The following LTN1 variants were observed in gnomAD, a reference collection of about 807,000 sequenced individuals.
The protein encoded by LTN1 is E3 ubiquitin-protein ligase listerin.
A neutral mutation model predicts 201.2 loss-of-function variants in LTN1; 88 were observed. The ratio of observed to expected loss-of-function variants is 0.44; its 90% CI spans 0.37 to 0.52. LTN1 has a LOEUF of 0.52. Ranked by LOEUF, LTN1 falls within the 20% of genes least tolerant of loss-of-function variation. The pLI, the probability that LTN1 is intolerant of heterozygous loss-of-function variation, is 0.00. For synonymous variants in LTN1, 645 were observed against 713.5 expected (o/e 0.90, Z 1.53); for missense variants, 1,752 against 2,038.7 (o/e 0.86, Z 2.71).
intron 26 of LTN1, among the ~76,000 whole-genome samples, chr21:28,935,537 T>C (rs2084248256): frequency 6.6e-6 from 1 of 151,718 alleles, no homozygotes; most frequent in Non-Finnish European, 1.5e-5. Context: ...GGCAAAAGAA[T>C]TTTTTTTTAA....
chr21:28,979,337 T>G (rs1304078277), intron 6 of LTN1, among the ~76,000 whole-genome samples: 1 of 152,196 alleles, frequency 6.6e-6, no homozygotes, highest in African/African-American at 2.4e-5. Flanking sequence ...GACACATGAA[T>G]GAAGATGTTC....
At position 28,959,640 on chromosome 21, in the gene LTN1, A is replaced by C; in HGVS notation, c.2411T>G (p.Leu804Ter). 6.2e-7 allele frequency: 1 copy of C among 1,613,786 alleles called. No homozygotes were observed. The highest frequency in any genetic ancestry group is 8.5e-7 in the Non-Finnish European group (1 of 1,179,792). The change falls in exon 13 of 30, where the codon TTA becomes TGA. Residue 804 changes from leucine to a stop codon, truncating the protein, a stop_gained. Transcript: ENST00000361371. LOFTEE classifies it high-confidence loss of function. ...TTCTGATAATTTCTTTGTTTTGAAT[A>C]AAGTTTCATGAAGTCTAACAATGAT... ...ERIIVRLHET[L>*]FKTKKLSEAE...
At chr21:28,974,474 A>G (rs144196478) in intron 6 of LTN1, among the ~76,000 whole-genome samples, 232 of 152,340 alleles carry the variant, frequency 1.5e-3, no homozygotes, top group African/African-American at 4.9e-3. Context: ...ATACAGATGC[A>G]TTTTAGAAGA....
intron 18 of LTN1, among the ~76,000 whole-genome samples, chr21:28,949,002 T>G (rs1270562022): frequency 6.6e-6 from 1 of 152,224 alleles, no homozygotes; most frequent in Non-Finnish European, 1.5e-5. Flanking sequence ...TCACCAAATA[T>G]GCACAGGTGT....
Position 28,966,865 on chromosome 21 carries a change from A to G in LTN1, c.1626T>C (p.Ala542=), listed in dbSNP as rs1263958815. ...SKKKNGKVRF[A]DEILESNKEN... ...CTTTATTGCTTTCAAGTATCTCATC[A>G]GCAAATCTAACCTTACCATTTTTTT... Residue 542 remains alanine, a synonymous_variant, in exon 10 of 30, where the codon GCT becomes GCC. Coordinates refer to ENST00000361371, the MANE Select transcript of LTN1 (RefSeq NM_015565.3). The G allele has an allele frequency of 1.9e-6, 3 of 1,610,290 alleles. No individual in the cohort carries two copies. The African/African-American group carries it at 4.0e-5, about 22-fold the overall frequency.
At chr21:28,978,132 G>A (rs1041505612) in intron 6 of LTN1, among the ~76,000 whole-genome samples, 2 of 151,906 alleles carry the variant, frequency 1.3e-5, no homozygotes, top group East Asian at 1.9e-4. Flanking sequence ...GGGATCAAGC[G>A]ATCCTCCTGC....
chr21:28,946,537 A>G (rs982739283), intron 19 of LTN1, among the ~76,000 whole-genome samples: 3 of 152,202 alleles, frequency 2.0e-5, no homozygotes, highest in African/African-American at 7.2e-5. Context: ...TGATGCTGTA[A>G]TTTAAACTGA....
At chr21:28,976,135 C>A (rs953006223) in intron 6 of LTN1, among the ~76,000 whole-genome samples, 5 of 151,782 alleles carry the variant, frequency 3.3e-5, no homozygotes, top group East Asian at 1.9e-4. Flanking sequence ...AAAAAAAGTT[C>A]TATTTCTTTA....
intron 1 of LTN1, among the ~76,000 whole-genome samples, chr21:28,988,475 A>AAC (rs1298309090): frequency 1.3e-5 from 2 of 152,084 alleles, no homozygotes; most frequent in African/African-American, 4.8e-5. Context: ...TCAAAAAAAA[A>AAC]AAAAAAATTC....
At chr21:28,992,398 G>C (rs2084753865) in intron 1 of LTN1, among the ~76,000 whole-genome samples, 1 of 152,140 alleles carries the variant, frequency 6.6e-6, no homozygotes, top group Admixed American at 6.6e-5. Context: ...CTCCACAGTG[G>C]ATTCACTTTA....
chr21:28,983,638 TTGA>T (rs775923752), intron 4 of LTN1, among the ~76,000 whole-genome samples: 2 of 152,160 alleles, frequency 1.3e-5, no homozygotes, highest in Non-Finnish European at 2.9e-5. Context: ...GACAAGAAAT[TTGA>T]ACTTAAAAGT....
At chr21:28,984,987 G>A (rs1236650386) in intron 3 of LTN1, 65 bp from the exon 4 acceptor site, 4 of 1,112,994 alleles carry the variant, frequency 3.6e-6, no homozygotes, top group Non-Finnish European at 5.2e-6. Context: ...AGACATTTCC[G>A]GATATGCTAT....
At chr21:28,989,351 A>T (rs1464047949) in intron 1 of LTN1, among the ~76,000 whole-genome samples, 1 of 152,158 alleles carries the variant, frequency 6.6e-6, no homozygotes, top group Non-Finnish European at 1.5e-5. Context: ...TAAATGCACT[A>T]TCTTTTTTTA....
chr21:28,943,256 C>A lies in LTN1; in HGVS notation c.4295+6G>T, dbSNP rs577647135. Reference sequence around the variant, plus strand: ...TAATAAAACAAATTATTTAAAAAAACCTTACAAGGCTGGCTCTTCTTCTTC... The same window carrying A: ...TAATAAAACAAATTATTTAAAAAAAACTTACAAGGCTGGCTCTTCTTCTTC... On this transcript the variant is annotated splice_donor_region_variant and intron_variant, in intron 24 of 29. Coordinates refer to ENST00000361371, the MANE Select transcript of LTN1 (RefSeq NM_015565.3). 4.3e-5 allele frequency: 67 copies of A among 1,575,120 alleles called. No homozygotes were observed. The East Asian group carries it at 8.5e-4, about 20-fold the overall frequency.
At position 28,936,702 on chromosome 21, in the gene LTN1, T is replaced by G. The variant is rs2084259710; in HGVS notation, c.4483-5A>C. 7 of 1,601,376 alleles carry G rather than the reference T, an allele frequency of 4.4e-6. No individual in the cohort carries two copies. The East Asian group carries it at 1.6e-4, about 36-fold the overall frequency. On this transcript the variant is annotated splice_region_variant and splice_polypyrimidine_tract_variant and intron_variant, in intron 25 of 29. Coordinates refer to ENST00000361371, the MANE Select transcript of LTN1 (RefSeq NM_015565.3). ...CATGGAATACAAAGCCCGAAGCTGG[T>G]GGAGAGCAAAGAATTTGTTAGTAAA...
At chr21:28,988,914 G>A (rs960752528) in intron 1 of LTN1, among the ~76,000 whole-genome samples, 8 of 151,086 alleles carry the variant, frequency 5.3e-5, no homozygotes, top group Admixed American at 2.6e-4. Flanking sequence ...GCAGTGAGTC[G>A]AGATTGCGCC....
At chr21:28,964,319 C>G (rs1489891527) in intron 11 of LTN1, among the ~76,000 whole-genome samples, 1 of 152,300 alleles carries the variant, frequency 6.6e-6, no homozygotes, top group South Asian at 2.1e-4. Flanking sequence ...GATACCACCA[C>G]CCTGGTCAGT....
intron 1 of LTN1, among the ~76,000 whole-genome samples, chr21:28,992,523 G>C (rs573575089): frequency 4.1e-4 from 62 of 152,204 alleles, no homozygotes; most frequent in Non-Finnish European, 7.5e-4. Flanking sequence ...TGAATATTAT[G>C]GGTGTGTGCT....
At chr21:28,930,644 C>G (rs914766721) in intron 29 of LTN1, 134 bp from the exon 30 acceptor site, 3 of 535,692 alleles carry the variant, frequency 5.6e-6, no homozygotes, top group Non-Finnish European at 9.6e-6. Context: ...AATTTTTGCT[C>G]TTTCTGTTAT....
Sources: allele counts gnomAD v4.1 joint callset (sites outside exome capture counted in the v4.1 genomes callset), GRCh38; gene constraint gnomAD v4.1.1; transcripts MANE v1.5; gene names NCBI Gene and HGNC (gene_info 2026-07-23, HGNC 2026-07-21).